The following NBAS variants were observed in gnomAD, a reference collection of about 807,000 sequenced individuals.
NBAS encodes NAG/BC035112 fusion.
A neutral mutation model predicts 302.5 loss-of-function variants in NBAS; 219 were observed. The observed-to-expected ratio is 0.72, with a 90% CI of 0.65 to 0.81. NBAS has a LOEUF of 0.81. NBAS is among the 30% of genes least tolerant of loss of function. The pLI, the probability that NBAS is intolerant of heterozygous loss-of-function variation, is 0.00. For synonymous variants in NBAS, 1,118 were observed against 1,021.6 expected (o/e 1.09, Z -1.80); for missense variants, 2,932 against 2,841.6 (o/e 1.03, Z -0.72).
At chr2:14,972,931 G>T in the NBAS span, among the ~76,000 whole-genome samples, 1 of 152,182 alleles carries the variant, frequency 6.6e-6, no homozygotes, top group Non-Finnish European at 1.5e-5. Flanking sequence ...TGATCATTGT[G>T]GAAAACACTT....
intron 35 of NBAS, among the ~76,000 whole-genome samples, chr2:15,343,536 T>C (rs1672952557): frequency 6.6e-6 from 1 of 152,116 alleles, no homozygotes; most frequent in African/African-American, 2.4e-5. Flanking sequence ...GTACTAAATG[T>C]GAAATTTAAA....
intron 48 of NBAS, among the ~76,000 whole-genome samples, chr2:15,215,101 C>A (rs765554188): frequency 3.1e-4 from 47 of 152,154 alleles, no homozygotes; most frequent in Non-Finnish European, 6.3e-4. Context: ...CTCAGATAAA[C>A]CGTACTATGA....
chr2:15,025,124 C>G, the NBAS span, among the ~76,000 whole-genome samples: 1 of 152,168 alleles, frequency 6.6e-6, no homozygotes, highest in Admixed American at 6.5e-5. Context: ...TTTAATCCAT[C>G]TTGAGTTGAT....
the NBAS span, among the ~76,000 whole-genome samples, chr2:14,779,992 C>T: frequency 2.0e-5 from 3 of 152,148 alleles, no homozygotes; most frequent in African/African-American, 4.8e-5. Flanking sequence ...AATGACCAGC[C>T]AGGTGCTAGT....
the NBAS span, among the ~76,000 whole-genome samples, chr2:15,067,706 G>A: frequency 1.3e-5 from 2 of 152,118 alleles, no homozygotes; most frequent in Non-Finnish European, 2.9e-5. Context: ...GCTGTTGATT[G>A]GGTATAAAGT....
At chr2:15,057,586 T>C in the NBAS span, among the ~76,000 whole-genome samples, 10 of 152,156 alleles carry the variant, frequency 6.6e-5, no homozygotes, top group Non-Finnish European at 1.0e-4. Context: ...AACCTCCAGC[T>C]CTTCCCCCAA....
chr2:15,551,695 G>A (rs1239185419), intron 5 of NBAS, among the ~76,000 whole-genome samples, 159 bp from the exon 6 acceptor site: 3 of 152,124 alleles, frequency 2.0e-5, no homozygotes, highest in Non-Finnish European at 2.9e-5. Context: ...TTTTGTCAGT[G>A]ACAATATTTT....
the NBAS span, among the ~76,000 whole-genome samples, chr2:14,920,019 T>C: frequency 6.6e-6 from 1 of 152,214 alleles, no homozygotes; most frequent in South Asian, 2.1e-4. Context: ...ACGTTTTCAA[T>C]TTACTTTGCC....
At chr2:15,379,879 G>T in intron 29 of NBAS, 48 bp from the exon 30 acceptor site, 2 of 1,536,528 alleles carry the variant, frequency 1.3e-6, no homozygotes, top group Non-Finnish European at 9.0e-7. Flanking sequence ...GGAAGATTCA[G>T]TTCTCAGTGA....
chr2:14,977,551 T>C, the NBAS span, among the ~76,000 whole-genome samples: 1 of 152,256 alleles, frequency 6.6e-6, no homozygotes, highest in African/African-American at 2.4e-5. Flanking sequence ...TCTTCTGAAC[T>C]GTACAGCATC....
intron 6 of NBAS, among the ~76,000 whole-genome samples, chr2:15,546,479 A>T (rs1412373838): frequency 6.6e-6 from 1 of 152,208 alleles, no homozygotes; most frequent in East Asian, 1.9e-4. Flanking sequence ...CTGTAAGCCC[A>T]GCACTTTGGG....
At chr2:15,538,364 A>C in intron 7 of NBAS, 1 of 442,462 alleles carries the variant, frequency 2.3e-6, no homozygotes, top group South Asian at 1.6e-5. Flanking sequence ...TAGTTTCTCC[A>C]CTCATTATTT....
At chr2:15,348,658 T>C (rs1673208472) in intron 35 of NBAS, among the ~76,000 whole-genome samples, 4 of 151,338 alleles carry the variant, frequency 2.6e-5, no homozygotes, top group Admixed American at 2.0e-4. Context: ...AGCACCTCAG[T>C]AGCACCACAT....
intron 41 of NBAS, among the ~76,000 whole-genome samples, chr2:15,287,905 C>A (rs1395174704): frequency 4.0e-5 from 6 of 150,944 alleles, no homozygotes; most frequent in Non-Finnish European, 5.9e-5. Context: ...ACATCCTGAG[C>A]ACCCCGTGTA....
At chr2:14,947,052 T>C in the NBAS span, among the ~76,000 whole-genome samples, 2 of 152,018 alleles carry the variant, frequency 1.3e-5, no homozygotes, top group African/African-American at 4.8e-5. Context: ...AATAAATGCC[T>C]ATATCAGAAA....
the NBAS span, among the ~76,000 whole-genome samples, chr2:14,793,974 A>G: frequency 1.3e-5 from 2 of 152,214 alleles, no homozygotes; most frequent in East Asian, 3.8e-4. Flanking sequence ...GGAATGAAGT[A>G]GAAATACAAA....
chr2:15,520,055 G>A (rs1025182444), intron 9 of NBAS, among the ~76,000 whole-genome samples: 2 of 152,108 alleles, frequency 1.3e-5, no homozygotes, highest in Non-Finnish European at 2.9e-5. Context: ...ATTTAAAACT[G>A]AGTGGTACTC....
At position 15,473,128 on chromosome 2, in the gene NBAS, T is replaced by A. The variant is rs1171004009; in HGVS notation, c.1725+94A>T. The A allele has an allele frequency of 4.3e-6, 6 of 1,383,936 alleles. No individual in the cohort carries two copies. The Admixed American group carries it at 1.1e-4, about 26-fold the overall frequency. 85.7% of individuals were successfully genotyped at this position (1,383,936 alleles called of 1,614,324 possible). On this transcript the variant is annotated intron_variant, in intron 16 of 51. Transcript: ENST00000281513. Reference sequence around the variant, plus strand: ...CTTCATTGGCTGTATTATAGAAAAGTCAGCAATGTAAAGTACTCTAAAATG... The same window carrying A: ...CTTCATTGGCTGTATTATAGAAAAGACAGCAATGTAAAGTACTCTAAAATG...
chr2:15,251,422 G>A (rs988023789), intron 44 of NBAS, among the ~76,000 whole-genome samples: 3 of 152,108 alleles, frequency 2.0e-5, no homozygotes, highest in East Asian at 1.9e-4. Flanking sequence ...AAACCTGCAC[G>A]TTCTGCACGT....
Sources: allele counts gnomAD v4.1 joint callset (sites outside exome capture counted in the v4.1 genomes callset), GRCh38; gene constraint gnomAD v4.1.1; transcripts MANE v1.5; gene names NCBI Gene and HGNC (gene_info 2026-07-23, HGNC 2026-07-21).